Variants in CNTNAP2 observed in about 807,000 individuals in gnomAD.
The protein encoded by CNTNAP2 is contactin-associated protein-like 2.
A neutral mutation model predicts 155.2 loss-of-function variants in CNTNAP2; 98 were observed. The observed-to-expected ratio is 0.63, with a 90% CI of 0.54 to 0.75. The LOEUF is 0.75. CNTNAP2 is among the 30% of genes least tolerant of loss of function. CNTNAP2 has a pLI of 0.00. For missense variants in CNTNAP2, 1,727 were observed against 1,688.1 expected (o/e 1.02, Z -0.40); for synonymous variants, 651 against 631.2 (o/e 1.03, Z -0.47).
intron 15 of CNTNAP2, among the ~76,000 whole-genome samples, chr7:148,090,031 T>C (rs1430087430): frequency 2.6e-5 from 4 of 151,924 alleles, no homozygotes; most frequent in Non-Finnish European, 4.4e-5. Flanking sequence ...AAGGACAGTC[T>C]CTTCAAGAAT....
intron 9 of CNTNAP2, among the ~76,000 whole-genome samples, chr7:147,301,524 T>C (rs1162510695): frequency 6.6e-6 from 1 of 152,158 alleles, no homozygotes; most frequent in African/African-American, 2.4e-5. Flanking sequence ...AAAATGTTTC[T>C]ATTTGTATTT....
At chr7:147,423,033 G>A (rs1462778249) in intron 10 of CNTNAP2, among the ~76,000 whole-genome samples, 1 of 152,182 alleles carries the variant, frequency 6.6e-6, no homozygotes, top group African/African-American at 2.4e-5. Context: ...GACCAGTCAA[G>A]AAGTGTGAAC....
chr7:148,278,569 CAAAA>C (rs34230909), intron 21 of CNTNAP2, among the ~76,000 whole-genome samples: 6 of 116,602 alleles, frequency 5.1e-5, no homozygotes, highest in Admixed American at 8.9e-5. Context: ...GACTACATCT[CAAAA>C]AAAAAAAAAA....
chr7:148,256,100 C>A (rs1383598545), intron 20 of CNTNAP2, among the ~76,000 whole-genome samples: 3 of 152,110 alleles, frequency 2.0e-5, no homozygotes, highest in African/African-American at 7.2e-5. Context: ...TTAGTACATA[C>A]GGCAAAGATG....
intron 15 of CNTNAP2, among the ~76,000 whole-genome samples, chr7:148,095,783 G>A (rs1433029105): frequency 2.0e-5 from 3 of 152,158 alleles, no homozygotes; most frequent in Non-Finnish European, 4.4e-5. Flanking sequence ...GAGTTGTTAT[G>A]CTTTGTGGAA....
chr7:146,823,714 G>A (rs964370691), intron 2 of CNTNAP2, among the ~76,000 whole-genome samples: 1 of 151,454 alleles, frequency 6.6e-6, no homozygotes, highest in Non-Finnish European at 1.5e-5. Flanking sequence ...TCATTCTTCA[G>A]TATATTTAAA....
At chr7:148,223,951 T>C (rs1795796291) in intron 19 of CNTNAP2, among the ~76,000 whole-genome samples, 1 of 152,208 alleles carries the variant, frequency 6.6e-6, no homozygotes, top group Non-Finnish European at 1.5e-5. Context: ...TCTAGGCCTC[T>C]GTGTGTTTGT....
At chr7:147,586,523 G>GAAGAGGGAGGGAGGAAGGAAGGAAGGA (rs772731379) in intron 12 of CNTNAP2, among the ~76,000 whole-genome samples, 2 of 42,008 alleles carry the variant, frequency 4.8e-5, no homozygotes, top group African/African-American at 1.5e-4. Flanking sequence ...AGAGAGAGAA[G>GAAGAGGGAGGGAGGAAGGAAGGAAGGA]AGGAAGGAAG....
chr7:146,508,137 A>G (rs750926059), intron 1 of CNTNAP2, among the ~76,000 whole-genome samples: 1 of 152,184 alleles, frequency 6.6e-6, no homozygotes, highest in Non-Finnish European at 1.5e-5. Context: ...TGTGCATTCC[A>G]TGCACTATCT....
At chr7:147,427,266 C>T (rs1423055888) in intron 10 of CNTNAP2, among the ~76,000 whole-genome samples, 2 of 152,096 alleles carry the variant, frequency 1.3e-5, no homozygotes, top group African/African-American at 4.8e-5. Flanking sequence ...CTTCTTAATA[C>T]AGTTGCATTG....
intron 1 of CNTNAP2, among the ~76,000 whole-genome samples, chr7:146,633,941 C>T (rs1799555243): frequency 1.3e-5 from 2 of 151,802 alleles, no homozygotes; most frequent in South Asian, 4.2e-4. Context: ...TTCCATTTCT[C>T]CCTTTGCTGC....
intron 13 of CNTNAP2, among the ~76,000 whole-genome samples, chr7:147,640,117 C>T (rs184250362): frequency 6.6e-6 from 1 of 151,860 alleles, no homozygotes; most frequent in Admixed American, 6.6e-5. Flanking sequence ...TAAAATTTTA[C>T]CTTAATTGAC....
At chr7:147,515,792 T>C (rs1329408722) in intron 11 of CNTNAP2, among the ~76,000 whole-genome samples, 3 of 152,156 alleles carry the variant, frequency 2.0e-5, no homozygotes, top group African/African-American at 7.2e-5. Context: ...ACAATAAATA[T>C]TTTTTGGATT....
At chr7:147,062,000 C>T (rs112611514) in intron 4 of CNTNAP2, among the ~76,000 whole-genome samples, 6,002 of 146,566 alleles carry the variant, frequency 0.041, no homozygotes, top group African/African-American at 0.13. Flanking sequence ...TGGTGGCGGG[C>T]GCCTGTAGTC....
chr7:146,710,629 C>A (rs1801047952), intron 1 of CNTNAP2, among the ~76,000 whole-genome samples: 1 of 152,094 alleles, frequency 6.6e-6, no homozygotes, highest in African/African-American at 2.4e-5. Context: ...CATTATCCTT[C>A]CTCACCACTA....
intron 1 of CNTNAP2, among the ~76,000 whole-genome samples, chr7:146,211,248 T>C (rs941775229): frequency 6.6e-6 from 1 of 152,098 alleles, no homozygotes; most frequent in African/African-American, 2.4e-5. Flanking sequence ...ATTTCAGACA[T>C]CTGAAAAAAA....
intron 1 of CNTNAP2, among the ~76,000 whole-genome samples, chr7:146,373,779 C>A (rs114872033): frequency 6.6e-6 from 1 of 152,064 alleles, no homozygotes; most frequent in Non-Finnish European, 1.5e-5. Flanking sequence ...GGGGTACATA[C>A]GGAAGATCCA....
chr7:146,194,348 C>T (rs1469435188), intron 1 of CNTNAP2, among the ~76,000 whole-genome samples: 4 of 152,164 alleles, frequency 2.6e-5, no homozygotes, highest in Admixed American at 2.6e-4. Context: ...GGAAGTCTCA[C>T]AATCATGGTG....
At chr7:146,609,447 T>G (rs1374389217) in intron 1 of CNTNAP2, among the ~76,000 whole-genome samples, 1 of 152,254 alleles carries the variant, frequency 6.6e-6, no homozygotes, top group Non-Finnish European at 1.5e-5. Flanking sequence ...TGCACTGTTA[T>G]AGTATTCTGC....
Sources: gnomAD v4.1 joint callset for allele counts (sites outside exome capture counted in the v4.1 genomes callset) on GRCh38, gnomAD v4.1.1 for gene constraint, MANE v1.5 for transcripts, NCBI Gene and HGNC (gene_info 2026-07-23, HGNC 2026-07-21) for gene names.